The following SLC16A12 variants were observed in gnomAD, a reference collection of about 807,000 sequenced individuals.
SLC16A12 encodes monocarboxylate transporter 12.
In SLC16A12, 17 loss-of-function variants were observed where a neutral mutation model predicts 42.4. That is an observed-to-expected ratio of 0.40 (90% CI 0.27 to 0.60). The LOEUF is 0.60. SLC16A12 is among the 20% of genes least tolerant of loss of function. SLC16A12 has a pLI of 0.42. For synonymous variants in SLC16A12, 224 were observed against 229.4 expected, an observed-to-expected ratio of 0.98 and a Z score of 0.21; for missense variants, 544 against 623.0, an observed-to-expected ratio of 0.87 and a Z score of 1.35.
At chr10:89,534,954 C>T (rs550542047) in intron 1 of SLC16A12, among the ~76,000 whole-genome samples, 11 of 152,194 alleles carry the variant, frequency 7.2e-5, no homozygotes, top group Admixed American at 7.2e-4. Context: ...TCCGAGTCCA[C>T]AATACAGGTA....
chr10:89,474,438 C>T (rs1472125638), intron 2 of SLC16A12, among the ~76,000 whole-genome samples: 1 of 152,146 alleles, frequency 6.6e-6, no homozygotes. Context: ...AGGGAGAACC[C>T]CCTCAAGTCA....
At chr10:89,492,452 G>A (rs980410731) in intron 2 of SLC16A12, among the ~76,000 whole-genome samples, 1 of 152,104 alleles carries the variant, frequency 6.6e-6, no homozygotes, top group African/African-American at 2.4e-5. Context: ...ATAAGTAGCT[G>A]GGCGCAGTGG....
rs2133688602 is a variant in SLC16A12 at position 89,439,183 on chromosome 10, C to T, written c.449G>A (p.Gly150Asp). ...HLYLTLGVLT[G>D]LGFALCYSPA... ...AGAGTAACAAAGTGCAAATCCAAGA[C>T]CTGAGGATAAAGAGAACTCTATGAG... is the stretch of plus-strand genomic sequence containing the variant. The change falls in exon 6 of 8, where the codon GGT (glycine) becomes GAT (aspartate). Residue 150 changes from glycine to aspartate, a missense_variant and splice_region_variant. Transcript: ENST00000371790. The T allele has an allele frequency of 6.2e-7, 1 of 1,613,968 alleles. No homozygotes were observed.
At chr10:89,528,609 T>C (rs1465100678) in intron 2 of SLC16A12, among the ~76,000 whole-genome samples, 1 of 152,014 alleles carries the variant, frequency 6.6e-6, no homozygotes, top group Non-Finnish European at 1.5e-5. Flanking sequence ...ATAGAGAAAA[T>C]GCACACACAA....
chr10:89,441,848 A>G lies in SLC16A12; in HGVS notation c.305-597T>C, dbSNP rs112549495. Among the ~76,000 whole-genome samples the G allele has an allele frequency of 3.6e-3, 553 of 152,324 alleles. 4 individuals carry two copies. Among genetic ancestry groups the G allele is most frequent in the African/African-American group, 0.012 (515 of 41,576 alleles). ...GGTCTCACTTGGTTTGTGGCTTACCAGTGTATCAGAATTATGTTGGCCTCA... is the reference window on the plus strand; with the variant it reads ...GGTCTCACTTGGTTTGTGGCTTACCGGTGTATCAGAATTATGTTGGCCTCA... On this transcript the variant is annotated intron_variant, in intron 4 of 7. Transcript: ENST00000371790.
chr10:89,529,956 CA>C (rs1269261960), intron 2 of SLC16A12, among the ~76,000 whole-genome samples: 3 of 152,120 alleles, frequency 2.0e-5, no homozygotes, highest in African/African-American at 7.2e-5. Context: ...AGGGTACCCT[CA>C]GAAATGGAAA....
chr10:89,552,961 C>T (rs1007771857), intron 2 of SLC16A12, among the ~76,000 whole-genome samples: 9 of 152,066 alleles, frequency 5.9e-5, no homozygotes, highest in Admixed American at 4.6e-4. Context: ...ATTTGAAGCC[C>T]CAGCTGAATT....
intron 2 of SLC16A12, among the ~76,000 whole-genome samples, chr10:89,473,673 G>A (rs1842536028): frequency 6.6e-6 from 1 of 152,090 alleles, no homozygotes; most frequent in African/African-American, 2.4e-5. Context: ...ACTCACTAGA[G>A]AAGATTTCTA....
At chr10:89,453,714 ACACGTCCCCGT>A (rs1487590730) in intron 3 of SLC16A12, among the ~76,000 whole-genome samples, 2 of 152,120 alleles carry the variant, frequency 1.3e-5, no homozygotes, top group Non-Finnish European at 2.9e-5. Context: ...ATTTCTCAGA[ACACGTCCCCGT>A]CATTAAGCAA....
At chr10:89,522,609 A>T (rs1179712004) in intron 2 of SLC16A12, among the ~76,000 whole-genome samples, 5 of 152,202 alleles carry the variant, frequency 3.3e-5, no homozygotes, top group Admixed American at 2.0e-4. Context: ...AATGTATTGC[A>T]CTTGTTCCTT....
chr10:89,446,531 T>C (rs1376369593), intron 3 of SLC16A12, among the ~76,000 whole-genome samples: 1 of 152,168 alleles, frequency 6.6e-6, no homozygotes, highest in Non-Finnish European at 1.5e-5. Context: ...GAAGGAGAAA[T>C]AAAATCTTTC....
chr10:89,453,921 A>G (rs1842135535), intron 3 of SLC16A12, among the ~76,000 whole-genome samples: 1 of 152,118 alleles, frequency 6.6e-6, no homozygotes, highest in African/African-American at 2.4e-5. Flanking sequence ...GACCAAAATC[A>G]GTCTGCCCGA....
At position 89,509,391 on chromosome 10, in the gene SLC16A12, C is replaced by T. The variant is rs913359674; in HGVS notation, c.-47+25110G>A. ...CCAGTGGCACATCAAAAAGCTTATC[C>T]GCCATGATTAAGTTGGCTTCATCCC... On this transcript the variant is annotated intron_variant, in intron 2 of 7. Coordinates refer to ENST00000371790, the MANE Select transcript of SLC16A12 (RefSeq NM_213606.4). 6.6e-5 allele frequency among the ~76,000 whole-genome samples: 10 copies of T among 152,152 alleles called. 1 individual carries two copies. Among genetic ancestry groups the T allele is most frequent in the East Asian group, 1.9e-4 (1 of 5,204 alleles).
intron 2 of SLC16A12, among the ~76,000 whole-genome samples, chr10:89,495,331 C>T (rs1842909087): frequency 6.6e-6 from 1 of 152,038 alleles, no homozygotes; most frequent in Non-Finnish European, 1.5e-5. Flanking sequence ...CCAGCCTGGG[C>T]CACAGAGCAA....
At chr10:89,454,306 T>C (rs749044001) in intron 3 of SLC16A12, among the ~76,000 whole-genome samples, 13 of 151,986 alleles carry the variant, frequency 8.6e-5, no homozygotes, top group South Asian at 2.1e-4. Context: ...CTATCTCATA[T>C]ATATCCCTCA....
At chr10:89,516,176 CGA>C (rs1047294113) in intron 2 of SLC16A12, among the ~76,000 whole-genome samples, 6 of 152,062 alleles carry the variant, frequency 3.9e-5, no homozygotes, top group African/African-American at 1.4e-4. Context: ...ATGTAAACTC[CGA>C]GAGGCAGGAA....
At position 89,477,213 on chromosome 10, in the gene SLC16A12, C is replaced by G. The variant is rs144776070; in HGVS notation, c.-46-14589G>C. Among the ~76,000 whole-genome samples, 15 of 152,124 alleles carry G rather than the reference C, an allele frequency of 9.9e-5. No individual in the cohort carries two copies. In the East Asian group the frequency reaches 2.3e-3, roughly 24 times the overall value. ...CGAAGAAAGTTTGATGAACTTTTAA[C>G]AAAGTCCTTGGAAGTAATTCCCAGA... On this transcript the variant is annotated intron_variant, in intron 2 of 7. Transcript: ENST00000371790.
At chr10:89,458,207 T>C (rs779236894) in intron 3 of SLC16A12, among the ~76,000 whole-genome samples, 1 of 152,190 alleles carries the variant, frequency 6.6e-6, no homozygotes, top group Non-Finnish European at 1.5e-5. Context: ...TCCAGTATCA[T>C]CGCCAATTGA....
chr10:89,514,472 G>A (rs1388486550), intron 2 of SLC16A12, among the ~76,000 whole-genome samples: 1 of 152,158 alleles, frequency 6.6e-6, no homozygotes. Context: ...AGCATGCTTG[G>A]GTTCTGGTGA....
Sources: allele counts gnomAD v4.1 joint callset (sites outside exome capture counted in the v4.1 genomes callset), GRCh38; gene constraint gnomAD v4.1.1; transcripts MANE v1.5; gene names NCBI Gene and HGNC (gene_info 2026-07-23, HGNC 2026-07-21).